The following MAGI1 variants were observed in gnomAD, a reference collection of about 807,000 sequenced individuals.
The protein encoded by MAGI1 is membrane associated guanylate kinase, WW and PDZ domain containing 1.
A neutral mutation model predicts 139.9 loss-of-function variants in MAGI1; 58 were observed. That is an observed-to-expected ratio of 0.41 (90% CI 0.34 to 0.52). MAGI1 has a LOEUF of 0.52. MAGI1 is among the 20% of genes least tolerant of loss of function. The probability of loss-of-function intolerance (pLI) is 0.12; values close to 1 mark genes in which losing one functional copy is unlikely to be tolerated. For missense variants in MAGI1, 1,874 were observed against 1,901.6 expected (o/e 0.99, Z 0.27); for synonymous variants, 812 against 737.9 (o/e 1.10, Z -1.63).
At chr3:65,689,505 G>T (rs765101730) in intron 1 of MAGI1, among the ~76,000 whole-genome samples, 1 of 152,148 alleles carries the variant, frequency 6.6e-6, no homozygotes, top group Non-Finnish European at 1.5e-5. Flanking sequence ...CAATCTCCTA[G>T]TTCTACAATA....
At position 65,356,767 on chromosome 3, in the gene MAGI1, C is replaced by A. The variant is rs773042890; in HGVS notation, c.4000G>T (p.Asp1334Tyr). ...TTCTCCCTCCTCTCCAAAGTGTTGTCGGCGCTGCGGGTGCCCTCCCTCCGC... is the reference window on the plus strand; with the variant it reads ...TTCTCCCTCCTCTCCAAAGTGTTGTAGGCGCTGCGGGTGCCCTCCCTCCGC... Reference protein sequence around the residue: ...EKRREGTRSADNTLERREKHE... With the variant: ...EKRREGTRSAYNTLERREKHE... Residue 1334 changes from aspartate (D) to tyrosine (Y), a missense_variant, in exon 23 of 23, where the codon GAC (aspartate) becomes TAC (tyrosine). Transcript: ENST00000402939. 4 of 1,604,308 alleles carry A rather than the reference C, an allele frequency of 2.5e-6. No homozygotes were observed. Among genetic ancestry groups the A allele is most frequent in the Non-Finnish European group, 2.6e-6 (3 of 1,175,736 alleles).
intron 1 of MAGI1, among the ~76,000 whole-genome samples, chr3:65,927,605 G>A (rs1162998720): frequency 1.3e-5 from 2 of 152,144 alleles, no homozygotes; most frequent in Admixed American, 1.3e-4. Flanking sequence ...TTTACATAAT[G>A]AGAAATCAAA....
At chr3:65,713,071 A>C (rs1484654286) in intron 1 of MAGI1, among the ~76,000 whole-genome samples, 1 of 152,226 alleles carries the variant, frequency 6.6e-6, no homozygotes, top group Non-Finnish European at 1.5e-5. Context: ...AAATGCAGTA[A>C]AGACAGAAAG....
chr3:65,906,472 C>T (rs2061437813), intron 1 of MAGI1, among the ~76,000 whole-genome samples: 1 of 152,198 alleles, frequency 6.6e-6, no homozygotes, highest in Non-Finnish European at 1.5e-5. Context: ...ATCACCCCCA[C>T]CTTTCTTCCA....
At chr3:66,025,276 C>T (rs144650194) in intron 1 of MAGI1, among the ~76,000 whole-genome samples, 2,485 of 152,264 alleles carry the variant, frequency 0.016, 72 homozygotes, top group African/African-American at 0.057. Context: ...CAGTGGCCCA[C>T]GCCTGTAATC....
At chr3:65,667,191 A>T (rs1454075015) in intron 1 of MAGI1, among the ~76,000 whole-genome samples, 2 of 152,218 alleles carry the variant, frequency 1.3e-5, no homozygotes. Context: ...CCCATGAAGA[A>T]GGGGCAATGG....
intron 1 of MAGI1, among the ~76,000 whole-genome samples, chr3:65,691,856 A>G (rs1240755881): frequency 2.0e-5 from 3 of 152,222 alleles, no homozygotes; most frequent in Non-Finnish European, 4.4e-5. Context: ...AAATCGTTCC[A>G]GGAAAATAAG....
At chr3:65,639,956 C>T (rs986111707) in intron 1 of MAGI1, among the ~76,000 whole-genome samples, 6 of 149,648 alleles carry the variant, frequency 4.0e-5, no homozygotes, top group Non-Finnish European at 7.4e-5. Context: ...GAGCCAAGAT[C>T]GTAGCCTGGG....
chr3:65,672,970 T>G (rs1322015287), intron 1 of MAGI1, among the ~76,000 whole-genome samples: 1 of 152,198 alleles, frequency 6.6e-6, no homozygotes, highest in Non-Finnish European at 1.5e-5. Flanking sequence ...TATCCTAGTT[T>G]CTCAATGTAT....
intron 1 of MAGI1, among the ~76,000 whole-genome samples, chr3:65,913,009 A>G (rs1169791461): frequency 1.3e-5 from 2 of 152,182 alleles, no homozygotes; most frequent in African/African-American, 4.8e-5. Context: ...GCAGTGGCTC[A>G]CACCTATAAT....
At chr3:65,703,018 G>A (rs1266604426) in intron 1 of MAGI1, among the ~76,000 whole-genome samples, 1 of 151,978 alleles carries the variant, frequency 6.6e-6, no homozygotes, top group African/African-American at 2.4e-5. Context: ...AGAATCTGGA[G>A]CAGAGACACT....
intron 1 of MAGI1, among the ~76,000 whole-genome samples, chr3:65,899,814 G>A (rs2061144242): frequency 6.6e-6 from 1 of 152,090 alleles, no homozygotes; most frequent in Admixed American, 6.5e-5. Flanking sequence ...AGTTAAAACT[G>A]GATTAAGGAA....
intron 1 of MAGI1, among the ~76,000 whole-genome samples, chr3:65,686,404 G>A (rs1170643810): frequency 6.6e-6 from 1 of 152,160 alleles, no homozygotes; most frequent in African/African-American, 2.4e-5. Context: ...CGATTCTCCT[G>A]CCTCAGCCTC....
chr3:65,833,162 G>C (rs566030007), intron 1 of MAGI1, among the ~76,000 whole-genome samples: 1 of 151,952 alleles, frequency 6.6e-6, no homozygotes, highest in South Asian at 2.1e-4. Context: ...CTGTCACCCA[G>C]GCTGGAGTGC....
At chr3:65,869,856 T>C (rs1324094588) in intron 1 of MAGI1, among the ~76,000 whole-genome samples, 1 of 152,208 alleles carries the variant, frequency 6.6e-6, no homozygotes, top group Non-Finnish European at 1.5e-5. Flanking sequence ...GTTGTAGTGC[T>C]GCTTATTTCA....
chr3:65,693,800 T>G (rs925483801), intron 1 of MAGI1, among the ~76,000 whole-genome samples: 1 of 152,114 alleles, frequency 6.6e-6, no homozygotes, highest in Non-Finnish European at 1.5e-5. Flanking sequence ...CTTGACTCAC[T>G]GCAACTTCTA....
intron 1 of MAGI1, among the ~76,000 whole-genome samples, chr3:65,870,915 C>T (rs1575783064): frequency 1.3e-5 from 2 of 151,870 alleles, no homozygotes; most frequent in African/African-American, 4.8e-5. Flanking sequence ...AGATGAGACT[C>T]CATCTCATAC....
chr3:65,391,282 G>A lies in MAGI1; in HGVS notation c.2276C>T (p.Ser759Phe). The stretch of plus-strand genomic sequence containing the variant: ...GAGCACCTGTGTGCTGTGGCTTGGG[G>A]ATGCTGTGTGCAGGCTTCGGTGGCT... ...VSSHRSLHTA[S>F]PSHSTQVLPE... Residue 759 changes from serine (S) to phenylalanine (F), a missense_variant, in exon 14 of 23, where the codon TCC becomes TTC. By Grantham distance (155) the Ser-to-Phe change is radical. Coordinates refer to ENST00000402939, the MANE Select transcript of MAGI1 (RefSeq NM_001033057.2). The A allele has an allele frequency of 6.2e-7, 1 of 1,614,214 alleles. No individual in the cohort carries two copies. The highest frequency in any genetic ancestry group is 8.5e-7 in the Non-Finnish European group (1 of 1,180,042).
chr3:65,809,083 A>G (rs1327775251), intron 1 of MAGI1, among the ~76,000 whole-genome samples: 1 of 152,226 alleles, frequency 6.6e-6, no homozygotes, highest in Non-Finnish European at 1.5e-5. Flanking sequence ...GCCAATGATT[A>G]TGGTCCACAG....
Sources: gnomAD v4.1 joint callset for allele counts (sites outside exome capture counted in the v4.1 genomes callset) on GRCh38, gnomAD v4.1.1 for gene constraint, MANE v1.5 for transcripts, NCBI Gene and HGNC (gene_info 2026-07-23, HGNC 2026-07-21) for gene names.